The following EIPR1 variants were observed in gnomAD, a reference collection of about 807,000 sequenced individuals.
EIPR1 encodes EARP complex and GARP complex interacting protein 1.
Under a neutral mutation model 48.1 loss-of-function variants are expected in EIPR1, and 25 were observed. The ratio of observed to expected loss-of-function variants is 0.52; its 90% confidence interval spans 0.38 to 0.73. The LOEUF is 0.73. Among genes scored for constraint, EIPR1 ranks in the 30% least tolerant of loss-of-function variants. The pLI, the probability that EIPR1 is intolerant of heterozygous loss-of-function variation, is 0.00. For missense variants in EIPR1, 415 were observed against 506.2 expected, an observed-to-expected ratio of 0.82 and a Z score of 1.73; for synonymous variants, 204 against 201.9, an observed-to-expected ratio of 1.01 and a Z score of -0.09.
At chr2:3,284,657 G>A (rs1668121709) in intron 3 of EIPR1, among the ~76,000 whole-genome samples, 1 of 152,258 alleles carries the variant, frequency 6.6e-6, no homozygotes, top group South Asian at 2.1e-4. Flanking sequence ...GATGAGAAAA[G>A]TCAGGGGCAG....
intron 5 of EIPR1, among the ~76,000 whole-genome samples, chr2:3,198,018 G>A (rs1040271022): frequency 6.6e-6 from 1 of 152,180 alleles, no homozygotes. Context: ...GGCTTTGCTG[G>A]CCAGGGCAGG....
At chr2:3,193,609 A>G (rs759733829) in intron 7 of EIPR1, among the ~76,000 whole-genome samples, 2 of 152,204 alleles carry the variant, frequency 1.3e-5, no homozygotes, top group Non-Finnish European at 2.9e-5. Flanking sequence ...GATGCTCCAC[A>G]TTCTCCCGAC....
intron 5 of EIPR1, among the ~76,000 whole-genome samples, chr2:3,202,741 T>A (rs1215277229): frequency 6.6e-6 from 1 of 152,194 alleles, no homozygotes; most frequent in African/African-American, 2.4e-5. Context: ...CCGTAAGTGC[T>A]CCTTGCAGAA....
chr2:3,294,683 T>TACACAC (rs1668482364), intron 3 of EIPR1, among the ~76,000 whole-genome samples: 3 of 76,938 alleles, frequency 3.9e-5, no homozygotes, highest in African/African-American at 1.0e-4. Context: ...CCGTCCTCTC[T>TACACAC]ACACACACCC....
At chr2:3,282,088 G>A (rs992850834) in intron 3 of EIPR1, among the ~76,000 whole-genome samples, 18 of 152,356 alleles carry the variant, frequency 1.2e-4, no homozygotes, top group Admixed American at 2.6e-4. Flanking sequence ...TGGTGCAGCC[G>A]TCAAGTGAAG....
At chr2:3,351,599 CA>C (rs1670579839) in intron 2 of EIPR1, among the ~76,000 whole-genome samples, 1 of 152,232 alleles carries the variant, frequency 6.6e-6, no homozygotes, top group Admixed American at 6.5e-5. Context: ...CCTGAAACCA[CA>C]GGCCATCTTC....
At position 3,189,666 on chromosome 2, in the gene EIPR1, C is replaced by T. The variant is rs919444430; in HGVS notation, c.990-158G>A. 6.6e-6 allele frequency among the ~76,000 whole-genome samples: 1 copy of T among 152,168 alleles called. No homozygotes were observed. Among genetic ancestry groups the T allele is most frequent in the African/African-American group, 2.4e-5 (1 of 41,446 alleles). ...TGGGAAGAATTAGAGGAGCCCACAC[C>T]GAGGACGGTGGGGTGGTCCCTGCAG... is the stretch of plus-strand genomic sequence containing the variant. On this transcript the variant is annotated intron_variant, in intron 8 of 8. Transcript: ENST00000382125. The surrounding 1 kb of genome is among the most constrained non-coding windows in gnomAD (Gnocchi z 4.6).
At chr2:3,194,308 C>G in intron 6 of EIPR1, 142 bp from the exon 7 acceptor site, 12 of 991,246 alleles carry the variant, frequency 1.2e-5, no homozygotes, top group Non-Finnish European at 1.6e-5. Context: ...CGTTCCTGCC[C>G]TGCAGGAAGA....
chr2:3,199,067 C>CCCCA (rs1183115087), intron 5 of EIPR1, among the ~76,000 whole-genome samples: 1 of 55,384 alleles, frequency 1.8e-5, no homozygotes, highest in African/African-American at 5.2e-5. Flanking sequence ...GAGGGCCCCC[C>CCCCA]CCCCGCCCCG....
chr2:3,234,548 C>T (rs1666340120), intron 4 of EIPR1, among the ~76,000 whole-genome samples: 1 of 152,166 alleles, frequency 6.6e-6, no homozygotes, highest in African/African-American at 2.4e-5. Context: ...AGACCAGACC[C>T]AGGCTGCCAG....
Position 3,189,559 on chromosome 2 carries a change from C to A in EIPR1, c.990-51G>T. ...AGCGCAGCAGCTCCGGCGGGGCGGG[C>A]AGGAGAGGGGCAGGGAGGACGCGAG... On this transcript the variant is annotated intron_variant, in intron 8 of 8. Transcript: ENST00000382125. The surrounding 1 kb of genome is among the most constrained non-coding windows in gnomAD (Gnocchi z 4.6). 6.8e-7 allele frequency: 1 copy of A among 1,476,952 alleles called. No homozygotes were observed. The allele number at this position is 1,476,952 out of a possible 1,614,324, so 91.5% of individuals were successfully genotyped here. A position where few individuals can be genotyped will look rare whatever the true frequency, so the allele number is the denominator to read the frequency against.
chr2:3,345,413 T>C (rs933015996), intron 2 of EIPR1, among the ~76,000 whole-genome samples: 2 of 151,918 alleles, frequency 1.3e-5, no homozygotes, highest in Non-Finnish European at 2.9e-5. Flanking sequence ...TCACCTGAGG[T>C]CAGGAGTTCA....
chr2:3,197,056 G>A, intron 5 of EIPR1, 39 bp from the exon 6 acceptor site: 1 of 1,610,044 alleles, frequency 6.2e-7, no homozygotes, highest in Non-Finnish European at 8.5e-7. Context: ...AAGAAGAAAA[G>A]AAGAAGAATG....
intron 3 of EIPR1, chr2:3,261,676 C>A (rs1004513157): frequency 6.6e-6 from 1 of 152,316 alleles, no homozygotes; most frequent in Non-Finnish European, 1.5e-5. Context: ...CATGGGGATG[C>A]CAGGTGATAA....
intron 3 of EIPR1, among the ~76,000 whole-genome samples, chr2:3,288,680 T>A (rs1407368996): frequency 1.3e-5 from 2 of 152,144 alleles, no homozygotes; most frequent in Non-Finnish European, 2.9e-5. Context: ...AACGTGAAGA[T>A]CCCGAGACAA....
chr2:3,269,319 T>TCAC, intron 3 of EIPR1, among the ~76,000 whole-genome samples: 1 of 123,836 alleles, frequency 8.1e-6, no homozygotes, highest in African/African-American at 3.1e-5. Context: ...CACTCAGTCA[T>TCAC]CGCACTCAAT....
chr2:3,318,455 T>A (rs150854758), intron 3 of EIPR1, among the ~76,000 whole-genome samples: 3 of 152,154 alleles, frequency 2.0e-5, no homozygotes, highest in African/African-American at 7.2e-5. Flanking sequence ...CACTGCCAGA[T>A]GACACTGAAT....
chr2:3,196,118 C>T (rs1664792152), intron 6 of EIPR1, among the ~76,000 whole-genome samples: 2 of 152,202 alleles, frequency 1.3e-5, no homozygotes, highest in African/African-American at 2.4e-5. Flanking sequence ...TCTGCACGGA[C>T]GTGCACAAAG....
chr2:3,271,801 TA>T (rs1667709100), intron 3 of EIPR1, among the ~76,000 whole-genome samples: 1 of 152,242 alleles, frequency 6.6e-6, no homozygotes, highest in Non-Finnish European at 1.5e-5. Flanking sequence ...CATTAGCCCC[TA>T]ATGAGAGAGT....
Sources: gnomAD v4.1 joint callset for allele counts (sites outside exome capture counted in the v4.1 genomes callset) on GRCh38, gnomAD v4.1.1 for gene constraint, Gnocchi (gnomAD v3.1) non-coding constraint, MANE v1.5 for transcripts, NCBI Gene and HGNC (gene_info 2026-07-23, HGNC 2026-07-21) for gene names.